The following TACC2 variants were observed in gnomAD, a reference collection of about 807,000 sequenced individuals.
The protein encoded by TACC2 is transforming acidic coiled-coil containing protein 2.
In TACC2, 137 loss-of-function variants were observed where a neutral mutation model predicts 227.3. The ratio of observed to expected loss-of-function variants is 0.60; its 90% CI spans 0.52 to 0.69. The LOEUF (loss-of-function observed/expected upper bound fraction) is 0.69, where lower values mean the gene tolerates loss of function less well. Among genes scored for constraint, TACC2 ranks in the 30% least tolerant of loss-of-function variants. TACC2 has a pLI of 0.00. For missense variants in TACC2, 3,470 were observed against 3,694.4 expected (o/e 0.94, Z 1.57); for synonymous variants, 1,523 against 1,487.5 (o/e 1.02, Z -0.55).
intron 7 of TACC2, among the ~76,000 whole-genome samples, chr10:122,182,577 G>C (rs1157755658): frequency 6.6e-6 from 1 of 152,208 alleles, no homozygotes; most frequent in East Asian, 1.9e-4. Flanking sequence ...GGGCGTGATT[G>C]TCCTGTGCAC....
chr10:122,154,679 A>G (rs2092342773), intron 7 of TACC2, among the ~76,000 whole-genome samples: 1 of 152,230 alleles, frequency 6.6e-6, no homozygotes, highest in Admixed American at 6.5e-5. Flanking sequence ...ACAATTGTAT[A>G]TTAATTGCAG....
intron 5 of TACC2, among the ~76,000 whole-genome samples, chr10:122,132,049 A>AAAGGAAGGAAGGAAGG (rs1565389849): frequency 0.13 from 719 of 5,390 alleles, 20 homozygotes; most frequent in Admixed American, 0.15. Context: ...AGAAAGAAAG[A>AAAGGAAGGAAGGAAGG]AAGAAAGAAA....
Position 122,086,279 on chromosome 10 carries a change from A to AC in TACC2, c.3783dup (p.Arg1262GlnfsTer52). The AC allele has an allele frequency of 1.2e-6, 2 of 1,613,896 alleles. No homozygotes were observed. The highest frequency in any genetic ancestry group is 3.3e-4 in the Middle Eastern group (2 of 6,062). ...GGAGTGAAAGCTGTTTCCTCTGCAG[A>AC]CCCCAGAGCTCCTGGCGAAAGCCCC... On this transcript the variant is annotated frameshift_variant, in exon 4 of 23. Coordinates refer to ENST00000369005, the MANE Select transcript of TACC2 (RefSeq NM_206862.4). LOFTEE classifies it high-confidence loss of function.
intron 1 of TACC2, among the ~76,000 whole-genome samples, chr10:122,009,464 A>G (rs1565057506): frequency 1.3e-5 from 2 of 151,986 alleles, no homozygotes; most frequent in Non-Finnish European, 2.9e-5. Flanking sequence ...AGATCGTGCC[A>G]CTGCATTCCA....
At chr10:122,118,056 C>T (rs112609678) in intron 5 of TACC2, among the ~76,000 whole-genome samples, 163 of 150,008 alleles carry the variant, frequency 1.1e-3, no homozygotes, top group African/African-American at 3.8e-3. Context: ...CTCTGTTGTC[C>T]GGGCTGGAGT....
At chr10:122,192,601 A>G in intron 7 of TACC2, 1 of 429,320 alleles carries the variant, frequency 2.3e-6, no homozygotes, top group Non-Finnish European at 4.8e-6. Flanking sequence ...TGACATTGAA[A>G]GAGATTTAGG....
rs375617471 is a variant in TACC2 at position 122,135,431 on chromosome 10, T to C, written c.5699+2697T>C. On this transcript the variant is annotated intron_variant, in intron 6 of 22. Transcript: ENST00000369005. ...CCAGTTTCATGGCCTTATCTCCTTATGGAAAGACTCAGAACTCTGGGCAGA... is the reference window on the plus strand; with the variant it reads ...CCAGTTTCATGGCCTTATCTCCTTACGGAAAGACTCAGAACTCTGGGCAGA... Among the ~76,000 whole-genome samples the C allele has an allele frequency of 6.6e-5, 10 of 152,310 alleles. No homozygotes were observed. The East Asian group carries it at 1.4e-3, about 21-fold the overall frequency.
At chr10:122,062,103 G>A (rs1396159230) in intron 3 of TACC2, among the ~76,000 whole-genome samples, 1 of 125,462 alleles carries the variant, frequency 8.0e-6, no homozygotes, top group African/African-American at 3.0e-5. Context: ...CACCATCTCC[G>A]CTCACTGCAA....
At chr10:122,097,597 G>C (rs1006593920) in intron 5 of TACC2, among the ~76,000 whole-genome samples, 1 of 152,048 alleles carries the variant, frequency 6.6e-6, no homozygotes, top group Non-Finnish European at 1.5e-5. Context: ...GGAGAAATGA[G>C]GCTGAGGATG....
At position 122,143,705 on chromosome 10, in the gene TACC2, A is replaced by G. The variant is rs1197580486; in HGVS notation, c.5833A>G (p.Arg1945Gly). The G allele has an allele frequency of 1.9e-6, 3 of 1,613,742 alleles. No homozygotes were observed. The highest frequency in any genetic ancestry group is 2.7e-5 in the African/African-American group (2 of 74,898). The change falls in exon 7 of 23, where the codon AGG becomes GGG. Residue 1945 changes from arginine (R) to glycine (G), a missense_variant and splice_region_variant. By Grantham distance (125) the Arg-to-Gly change is moderately radical. Coordinates refer to ENST00000369005, the MANE Select transcript of TACC2 (RefSeq NM_206862.4). ...SCPDPAKDLS[R>G]SSDSEEAFET... ...CCCAGATCCGGCCAAGGACCTCAGC[A>G]GGTATTGCGCAAGTCCCCCTCCACA...
chr10:122,057,060 C>T (rs146712833), intron 3 of TACC2, among the ~76,000 whole-genome samples: 1,691 of 152,136 alleles, frequency 0.011, 10 homozygotes, highest in Non-Finnish European at 0.016. Flanking sequence ...GGCATGGTGG[C>T]GCACACCTGT....
rs1407860446 is a variant in TACC2 at position 122,080,149 on chromosome 10, C to A, written c.147-2498C>A. ...CTTCCCAGCTTGCAGAAGACACCTGCTTTTGATGTTCTCACATAGCTTTTC... is the reference window on the plus strand; with the variant it reads ...CTTCCCAGCTTGCAGAAGACACCTGATTTTGATGTTCTCACATAGCTTTTC... On this transcript the variant is annotated intron_variant, in intron 3 of 22. Transcript: ENST00000369005. Among the ~76,000 whole-genome samples, 3 of 151,688 alleles carry A rather than the reference C, an allele frequency of 2.0e-5. No homozygotes were observed. The East Asian group carries it at 5.8e-4, about 29-fold the overall frequency.
intron 14 of TACC2, among the ~76,000 whole-genome samples, chr10:122,228,602 G>A (rs185750420): frequency 2.0e-5 from 3 of 152,270 alleles, no homozygotes; most frequent in African/African-American, 7.2e-5. Context: ...CCTTCTAGGT[G>A]AATTTTAGTT....
At position 122,156,121 on chromosome 10, in the gene TACC2, G is replaced by A. The variant is rs543843152; in HGVS notation, c.5834+12415G>A. Reference sequence around the variant, plus strand: ...CAAAGTCCTGGGATTACAGGTGTGAGCCACCGTGCCTGGCCAATGGTGCAA... The same window carrying A: ...CAAAGTCCTGGGATTACAGGTGTGAACCACCGTGCCTGGCCAATGGTGCAA... On this transcript the variant is annotated intron_variant, in intron 7 of 22. Coordinates refer to ENST00000369005, the MANE Select transcript of TACC2 (RefSeq NM_206862.4). Among the ~76,000 whole-genome samples, 43 of 151,728 alleles carry A rather than the reference G, an allele frequency of 2.8e-4. No homozygotes were observed. In the Middle Eastern group the frequency reaches 0.024, roughly 85 times the overall value.
At chr10:122,061,998 CAT>C (rs2076872945) in intron 3 of TACC2, among the ~76,000 whole-genome samples, 1 of 144,210 alleles carries the variant, frequency 6.9e-6, no homozygotes, top group Admixed American at 6.9e-5. Context: ...GGACTAGACA[CAT>C]AAACTTTAGG....
At chr10:122,131,127 G>A (rs547404343) in intron 5 of TACC2, among the ~76,000 whole-genome samples, 5 of 148,438 alleles carry the variant, frequency 3.4e-5, no homozygotes, top group East Asian at 2.0e-4. Flanking sequence ...ACAGTGAGCC[G>A]TCATGGAGCC....
Position 122,125,371 on chromosome 10 carries a change from A to ATATT in TACC2, c.5574-7237_5574-7236insATTT, listed in dbSNP as rs59209880. ...CCACCATGCCCAGATAATTTCTTGT[A>ATATT]TTTTTTTTTAGTAGAGATTGGGTTT... On this transcript the variant is annotated intron_variant, in intron 5 of 22. Coordinates refer to ENST00000369005, the MANE Select transcript of TACC2 (RefSeq NM_206862.4). Among the ~76,000 whole-genome samples, 12 of 150,708 alleles carry ATATT rather than the reference A, an allele frequency of 8.0e-5. No individual in the cohort carries two copies. The East Asian group carries it at 9.8e-4, about 12-fold the overall frequency.
Position 122,160,823 on chromosome 10 carries a change from G to C in TACC2, c.5834+17117G>C, listed in dbSNP as rs139882152. Among the ~76,000 whole-genome samples the C allele has an allele frequency of 3.3e-3, 504 of 152,228 alleles. 2 individuals are homozygous for C. Among genetic ancestry groups the C allele is most frequent in the African/African-American group, 0.012 (480 of 41,546 alleles). ...TTGTTTTAAATTGTTTGTAAAGTCA[G>C]CATGGAAAGGTCTTCAATGAGGGTC... On this transcript the variant is annotated intron_variant, in intron 7 of 22. Transcript: ENST00000369005.
chr10:122,062,690 A>G (rs2076971239), intron 3 of TACC2, among the ~76,000 whole-genome samples: 1 of 152,156 alleles, frequency 6.6e-6, no homozygotes, highest in African/African-American at 2.4e-5. Flanking sequence ...TCAGAAGACA[A>G]ACTCCTAGTT....
Sources: gnomAD v4.1 joint callset for allele counts (sites outside exome capture counted in the v4.1 genomes callset) on GRCh38, gnomAD v4.1.1 for gene constraint, MANE v1.5 for transcripts, NCBI Gene and HGNC (gene_info 2026-07-23, HGNC 2026-07-21) for gene names.